Variants in PLAAT3 observed in about 807,000 individuals in gnomAD.
The protein encoded by PLAAT3 is phospholipase A and acyltransferase 3, also known as Ca-independent phospholipase A1/2.
In PLAAT3, 21 loss-of-function variants were observed where a neutral mutation model predicts 16.7. That is an observed-to-expected ratio of 1.26 (90% confidence interval 0.89 to 1.81). PLAAT3 has a LOEUF of 1.81. Ranked by LOEUF, PLAAT3 falls within the 40% of genes most tolerant of loss-of-function variation. The probability of loss-of-function intolerance (pLI) is 0.00; values close to 1 mark genes in which losing one functional copy is unlikely to be tolerated. For synonymous variants in PLAAT3, 76 were observed against 81.7 expected (o/e 0.93, Z 0.38); for missense variants, 219 against 213.7 (o/e 1.02, Z -0.16).
chr11:63,614,232 C>A, intron 1 of PLAAT3, 153 bp downstream of exon 1: 2 of 617,374 alleles, frequency 3.2e-6, no homozygotes, highest in South Asian at 2.0e-5. Context: ...GCCCGGCGGG[C>A]GCCCAGGAGG....
chr11:63,583,209 C>T (rs760725345), intron 4 of PLAAT3, among the ~76,000 whole-genome samples: 2 of 152,148 alleles, frequency 1.3e-5, no homozygotes, highest in African/African-American at 2.4e-5. Context: ...GGTTTGACTG[C>T]TGCTAAGTCT....
At chr11:63,588,201 C>G (rs907599993) in intron 4 of PLAAT3, among the ~76,000 whole-genome samples, 13 of 152,074 alleles carry the variant, frequency 8.5e-5, no homozygotes, top group Non-Finnish European at 1.6e-4. Context: ...TCCTGAGTAG[C>G]TGAGATTACA....
intron 4 of PLAAT3, among the ~76,000 whole-genome samples, chr11:63,578,291 A>AC (rs1437525477): frequency 6.6e-6 from 1 of 152,124 alleles, no homozygotes; most frequent in Non-Finnish European, 1.5e-5. Flanking sequence ...TCAAAAGAAA[A>AC]AAAAAAAAGA....
At chr11:63,596,825 G>C (rs565203237) in intron 3 of PLAAT3, among the ~76,000 whole-genome samples, 2 of 151,978 alleles carry the variant, frequency 1.3e-5, no homozygotes, top group South Asian at 4.2e-4. Context: ...TCCGGACATG[G>C]TGGCTCATGT....
At chr11:63,602,119 G>A (rs557416741) in intron 2 of PLAAT3, among the ~76,000 whole-genome samples, 6 of 151,352 alleles carry the variant, frequency 4.0e-5, no homozygotes, top group East Asian at 3.9e-4. Context: ...GAAACCCCCC[G>A]TCTCTACTAA....
chr11:63,599,971 G>C (rs1938384264), intron 2 of PLAAT3, among the ~76,000 whole-genome samples: 1 of 152,100 alleles, frequency 6.6e-6, no homozygotes, highest in Non-Finnish European at 1.5e-5. Flanking sequence ...CCCTCACATA[G>C]AACATGCTGC....
intron 2 of PLAAT3, among the ~76,000 whole-genome samples, chr11:63,612,116 C>A (rs1242686913): frequency 6.6e-6 from 1 of 151,906 alleles, no homozygotes; most frequent in African/African-American, 2.4e-5. Context: ...CCAGCCTGGA[C>A]AACAAGAGTG....
At chr11:63,584,499 T>A (rs909590222) in intron 4 of PLAAT3, among the ~76,000 whole-genome samples, 3 of 80,000 alleles carry the variant, frequency 3.7e-5, no homozygotes, top group Non-Finnish European at 4.7e-5. Flanking sequence ...ATCATAAACT[T>A]TTTTTTTTGT....
intron 4 of PLAAT3, among the ~76,000 whole-genome samples, chr11:63,589,099 C>T (rs1590687712): frequency 6.7e-6 from 1 of 149,820 alleles, no homozygotes; most frequent in East Asian, 2.0e-4. Context: ...TTATTTAATT[C>T]ACAAGGTAAT....
chr11:63,580,752 G>C (rs1459563382), intron 4 of PLAAT3, among the ~76,000 whole-genome samples: 1 of 152,154 alleles, frequency 6.6e-6, no homozygotes, highest in African/African-American at 2.4e-5. Flanking sequence ...AGACAGAAGA[G>C]TTAGTGTCAC....
intron 2 of PLAAT3, among the ~76,000 whole-genome samples, chr11:63,607,658 A>AT (rs1490377097): frequency 5.3e-5 from 8 of 151,888 alleles, no homozygotes; most frequent in African/African-American, 1.9e-4. Context: ...TTAAACCCAG[A>AT]TCTAAGGACA....
In PLAAT3 at chr11:63,593,797, C is replaced by CA. The variant is rs1461363173; in HGVS notation, c.119-3430_119-3429insT. Among the ~76,000 whole-genome samples the CA allele has an allele frequency of 3.3e-5, 5 of 152,182 alleles. 1 individual carries two copies. Among genetic ancestry groups the CA allele is most frequent in the South Asian group, 4.1e-4 (2 of 4,834 alleles). On this transcript the variant is annotated intron_variant, in intron 3 of 4. Coordinates refer to ENST00000415826, the MANE Select transcript of PLAAT3 (RefSeq NM_001128203.2). Reference sequence around the variant, plus strand: ...GTTTCGCCATGTTGGCCAGGCTGGTCTCAAACTCCTGATCTCAGGTGATTC... The same window carrying CA: ...GTTTCGCCATGTTGGCCAGGCTGGTCATCAAACTCCTGATCTCAGGTGATTC...
chr11:63,606,377 G>A (rs932306747), intron 2 of PLAAT3, among the ~76,000 whole-genome samples: 72 of 151,730 alleles, frequency 4.7e-4, no homozygotes, highest in African/African-American at 1.6e-3. Flanking sequence ...CCTGTCAGGA[G>A]TTCAAGACCA....
At chr11:63,612,390 T>A (rs1313894890) in intron 2 of PLAAT3, among the ~76,000 whole-genome samples, 2 of 152,252 alleles carry the variant, frequency 1.3e-5, no homozygotes, top group African/African-American at 4.8e-5. Context: ...TAGGCAGTAT[T>A]GCAATGTCTG....
chr11:63,578,433 A>T (rs899987462), intron 4 of PLAAT3, among the ~76,000 whole-genome samples: 1 of 152,226 alleles, frequency 6.6e-6, no homozygotes, highest in Non-Finnish European at 1.5e-5. Context: ...CAGGAAATGG[A>T]GAAAAGATCA....
upstream of PLAAT3, among the ~76,000 whole-genome samples, chr11:63,614,964 A>G (rs1938794622): frequency 6.8e-6 from 1 of 146,684 alleles, no homozygotes; most frequent in Non-Finnish European, 1.5e-5. Context: ...GCAGTGAGCC[A>G]AGATCGCGCC....
chr11:63,591,287 C>G (rs569613650), intron 3 of PLAAT3, among the ~76,000 whole-genome samples: 2 of 152,194 alleles, frequency 1.3e-5, no homozygotes, highest in Admixed American at 6.5e-5. Flanking sequence ...GAGGCTGAGG[C>G]AGGAGGATCA....
intron 3 of PLAAT3, among the ~76,000 whole-genome samples, chr11:63,591,720 G>A (rs1311232079): frequency 6.6e-6 from 1 of 152,238 alleles, no homozygotes; most frequent in Non-Finnish European, 1.5e-5. Flanking sequence ...GACTTGATAG[G>A]AAAAGGGCAC....
Position 63,595,292 on chromosome 11 carries a change from G to GAAAAAA in PLAAT3, c.118+2763_118+2768dup, listed in dbSNP as rs59751911. Reference sequence around the variant, plus strand: ...GGCCACAGAGCAAGACTCCGTCTCGGAAAAAAAAAAAAAAAAAAAAGAGTG... The same window carrying GAAAAAA: ...GGCCACAGAGCAAGACTCCGTCTCGGAAAAAAAAAAAAAAAAAAAAAAAAAAGAGTG... On this transcript the variant is annotated intron_variant, in intron 3 of 4. Coordinates refer to ENST00000415826, the MANE Select transcript of PLAAT3 (RefSeq NM_001128203.2). Among the ~76,000 whole-genome samples the GAAAAAA allele has an allele frequency of 4.5e-5, 4 of 88,424 alleles. 1 individual carries two copies. Among genetic ancestry groups the GAAAAAA allele is most frequent in the Admixed American group, 1.2e-4 (1 of 8,628 alleles). The allele number at this position is 88,424 out of a possible 152,430, so 58.0% of individuals were successfully genotyped here. A position where few individuals can be genotyped will look rare whatever the true frequency, so the allele number is the denominator to read the frequency against.
Sources: allele counts gnomAD v4.1 joint callset (sites outside exome capture counted in the v4.1 genomes callset), GRCh38; gene constraint gnomAD v4.1.1; transcripts MANE v1.5; gene names NCBI Gene and HGNC (gene_info 2026-07-23, HGNC 2026-07-21).